The following EZR variants were observed in gnomAD, a reference collection of about 807,000 sequenced individuals.
EZR encodes the protein ezrin, also known as cytovillin 2.
Under a neutral mutation model 74.8 loss-of-function variants are expected in EZR, and 40 were observed. The ratio of observed to expected loss-of-function variants is 0.53; its 90% CI spans 0.42 to 0.70. The LOEUF (loss-of-function observed/expected upper bound fraction) is 0.70, where lower values mean the gene tolerates loss of function less well. Ranked by LOEUF, EZR falls within the 30% of genes least tolerant of loss-of-function variation. The probability of loss-of-function intolerance (pLI) is 0.00; values close to 1 mark genes in which losing one functional copy is unlikely to be tolerated. For missense variants in EZR, 678 were observed against 755.8 expected, an observed-to-expected ratio of 0.90 and a Z score of 1.21; for synonymous variants, 341 against 283.3, an observed-to-expected ratio of 1.20 and a Z score of -2.05.
At chr6:158,783,755 G>A (rs779592567) in intron 6 of EZR, 89 bp from the exon 7 acceptor site, 160 of 1,375,984 alleles carry the variant, frequency 1.2e-4, no homozygotes, top group Non-Finnish European at 1.5e-4. Context: ...AAATTAAGGC[G>A]CCTTGTGTAG....
intron 2 of EZR, among the ~76,000 whole-genome samples, chr6:158,798,834 G>A (rs2128573436): frequency 6.6e-6 from 1 of 151,986 alleles, no homozygotes; most frequent in East Asian, 1.9e-4. Context: ...TCACCATGTT[G>A]CCCAGGGTGG....
intron 2 of EZR, among the ~76,000 whole-genome samples, chr6:158,790,502 C>T (rs111494737): frequency 0.029 from 4,351 of 152,312 alleles, 84 homozygotes; most frequent in Middle Eastern, 0.054. Flanking sequence ...TGGTGAAGCC[C>T]TATCTCTATT....
intron 2 of EZR, among the ~76,000 whole-genome samples, chr6:158,812,987 C>G (rs1359696243): frequency 6.6e-6 from 1 of 152,224 alleles, no homozygotes; most frequent in Non-Finnish European, 1.5e-5. Context: ...ACTACCCTTG[C>G]TGTCTCCTGC....
At chr6:158,784,823 C>T (rs1791527147) in intron 5 of EZR, 96 bp from the exon 6 acceptor site, 2 of 954,830 alleles carry the variant, frequency 2.1e-6, no homozygotes, top group Non-Finnish European at 3.3e-6. Flanking sequence ...CCTTACTTTC[C>T]ATTCAAATCA....
At chr6:158,768,641 G>A (rs1790995127) in intron 12 of EZR, among the ~76,000 whole-genome samples, 1 of 152,174 alleles carries the variant, frequency 6.6e-6, no homozygotes, top group African/African-American at 2.4e-5. Context: ...CCTTCCTGGA[G>A]GGCACAGGGG....
intron 9 of EZR, 128 bp downstream of exon 9, chr6:158,771,116 A>G: frequency 7.1e-7 from 1 of 1,404,996 alleles, no homozygotes. Flanking sequence ...CGAAGATCCC[A>G]GCGTGGTGAC....
At chr6:158,780,144 T>C (rs1034566032) in intron 7 of EZR, among the ~76,000 whole-genome samples, 1 of 148,792 alleles carries the variant, frequency 6.7e-6, no homozygotes, top group African/African-American at 2.5e-5. Context: ...GAATGTGCCA[T>C]TGCACTCCAC....
chr6:158,774,031 C>A (rs999388291), intron 8 of EZR, among the ~76,000 whole-genome samples: 4 of 152,208 alleles, frequency 2.6e-5, no homozygotes, highest in African/African-American at 9.7e-5. Flanking sequence ...TGGGTGAGAA[C>A]TGGACAAAGA....
At chr6:158,799,958 A>G (rs1777156444) in intron 2 of EZR, among the ~76,000 whole-genome samples, 1 of 152,244 alleles carries the variant, frequency 6.6e-6, no homozygotes, top group Non-Finnish European at 1.5e-5. Flanking sequence ...ACTGTTTTAT[A>G]TACAAAATTA....
chr6:158,791,544 G>C (rs1337832635), intron 2 of EZR, among the ~76,000 whole-genome samples: 1 of 151,882 alleles, frequency 6.6e-6, no homozygotes, highest in Non-Finnish European at 1.5e-5. Context: ...AAGTGGAGGG[G>C]CGTTTGCTCA....
rs1486560176 is a variant in EZR, at chr6:158,787,208, G to A, written c.97-5C>T. On this transcript the variant is annotated splice_region_variant and splice_polypyrimidine_tract_variant and intron_variant, in intron 3 of 13. Coordinates refer to ENST00000367075, the MANE Select transcript of EZR (RefSeq NM_001111077.2). ...GAGGCCGATAGTCTTTACCACCTGC[G>A]TGAGAGAGAGAGAGGCTCAACACTC... 7 of 1,610,838 alleles carry A rather than the reference G, an allele frequency of 4.3e-6. No homozygotes were observed. The highest frequency in any genetic ancestry group is 2.2e-5 in the East Asian group (1 of 44,844).
At chr6:158,813,878 C>T (rs1777497797) in intron 2 of EZR, among the ~76,000 whole-genome samples, 1 of 152,082 alleles carries the variant, frequency 6.6e-6, no homozygotes, top group African/African-American at 2.4e-5. Flanking sequence ...GAGATCTCAG[C>T]CCTGAACACA....
At chr6:158,779,131 C>T (rs745945172) in intron 7 of EZR, among the ~76,000 whole-genome samples, 16 of 152,184 alleles carry the variant, frequency 1.1e-4, no homozygotes, top group Non-Finnish European at 1.5e-4. Flanking sequence ...TAAGATATAC[C>T]GACCACATGT....
In EZR at chr6:158,818,143, C is replaced by T; in HGVS notation, c.-50G>A. The T allele has an allele frequency of 6.2e-7, 1 of 1,602,968 alleles. No homozygotes were observed. Among genetic ancestry groups the T allele is most frequent in the South Asian group, 1.1e-5 (1 of 90,014 alleles). On this transcript the variant is annotated 5_prime_UTR_variant, in exon 2 of 14. Coordinates refer to ENST00000367075, the MANE Select transcript of EZR (RefSeq NM_001111077.2). ...GATCCCCGAAAACACGACTATCCAG[C>T]AGCAGCGAAGACGCTGTCCCAACCT...
intron 2 of EZR, among the ~76,000 whole-genome samples, chr6:158,794,698 T>C (rs1332468897): frequency 6.6e-6 from 1 of 152,162 alleles, no homozygotes; most frequent in East Asian, 1.9e-4. Flanking sequence ...CGCAATCACG[T>C]GTAGTACAGG....
chr6:158,801,675 C>G (rs1449564145), intron 2 of EZR, among the ~76,000 whole-genome samples: 2 of 152,140 alleles, frequency 1.3e-5, no homozygotes. Context: ...ATAAAATCAT[C>G]CAGTGTTGGA....
At chr6:158,769,040 T>C (rs1434647850) in intron 12 of EZR, among the ~76,000 whole-genome samples, 1 of 152,122 alleles carries the variant, frequency 6.6e-6, no homozygotes, top group Non-Finnish European at 1.5e-5. Context: ...CAGTTCGGGG[T>C]GGAGGGAGCA....
At chr6:158,767,977 C>T (rs1790959748) in intron 12 of EZR, among the ~76,000 whole-genome samples, 1 of 151,432 alleles carries the variant, frequency 6.6e-6, no homozygotes, top group African/African-American at 2.4e-5. Flanking sequence ...TTGTAGCCAG[C>T]TCTCCTCACT....
intron 2 of EZR, among the ~76,000 whole-genome samples, chr6:158,804,170 G>T (rs113808628): frequency 6.6e-6 from 1 of 151,824 alleles, no homozygotes; most frequent in African/African-American, 2.4e-5. Flanking sequence ...CCTTTTTGGT[G>T]AGTGTCTCTA....
Sources: gnomAD v4.1 joint callset for allele counts (sites outside exome capture counted in the v4.1 genomes callset) on GRCh38, gnomAD v4.1.1 for gene constraint, MANE v1.5 for transcripts, NCBI Gene and HGNC (gene_info 2026-07-23, HGNC 2026-07-21) for gene names.